CLN8: variants seen among roughly 807,000 people sequenced by gnomAD.
CLN8 encodes the protein protein CLN8.
CLN8 carries 14 observed loss-of-function variants against 15.7 expected under a neutral mutation model. The observed-to-expected ratio is 0.89, with a 90% confidence interval of 0.59 to 1.39. The LOEUF is 1.39. CLN8 is among the 40% of genes most tolerant of loss of function. The pLI is 0.00. For missense variants in CLN8, 415 were observed against 364.0 expected (o/e 1.14, Z -1.14); for synonymous variants, 188 against 151.0 (o/e 1.25, Z -1.80).
chr8:1,785,272 G>A lies in CLN8; in HGVS notation c.*4705G>A, dbSNP rs564215205. ...TCCTACGGTGACACAGGCGGCGTGG[G>A]GTTAGACAGGTACCGGTCAGACTAC... is the stretch of plus-strand genomic sequence containing the variant. On this transcript the variant is annotated 3_prime_UTR_variant, in exon 3 of 3. Transcript: ENST00000331222. 1 of 188,254 alleles carries A rather than the reference G, an allele frequency of 5.3e-6. No homozygotes were observed. The highest frequency in any genetic ancestry group is 7.4e-5 in the South Asian group (1 of 13,538). The allele number at this position is 188,254 out of a possible 1,614,324, so 11.7% of individuals were successfully genotyped here. A position where few individuals can be genotyped will look rare whatever the true frequency, so the allele number is the denominator to read the frequency against.
In CLN8 at chr8:1,771,070, G is replaced by A. The variant is rs200999640; in HGVS notation, c.16G>A (p.Asp6Asn). The A allele has an allele frequency of 7.4e-6, 12 of 1,614,066 alleles. No homozygotes were observed. Among genetic ancestry groups the A allele is most frequent in the African/African-American group, 2.7e-5 (2 of 75,030 alleles). ...GCTGTGGACAATGAATCCTGCGAGC[G>A]ATGGGGGCACATCAGAGAGCATTTT... MNPAS[D>N]GGTSESIFDL... The change falls in exon 2 of 3, where the codon GAT becomes AAT. Residue 6 changes from aspartate (D) to asparagine (N), a missense_variant. Transcript: ENST00000331222.
chr8:1,778,084 C>T (rs937254488), intron 2 of CLN8, among the ~76,000 whole-genome samples: 7 of 152,126 alleles, frequency 4.6e-5, no homozygotes, highest in African/African-American at 1.7e-4. Flanking sequence ...GGTGTGAGAT[C>T]GAAAACTTGC....
At position 1,771,512 on chromosome 8, in the gene CLN8, T is replaced by A. The variant is rs781115705; in HGVS notation, c.458T>A (p.Leu153His). The A allele has an allele frequency of 6.2e-7, 1 of 1,614,144 alleles. No homozygotes were observed. The highest frequency in any genetic ancestry group is 1.1e-5 in the South Asian group (1 of 91,088). Reference sequence around the variant, plus strand: ...GGGTTTCTTGGCTGCTTGGTCAATCTCCAAGCTGGCCACTATCTAGCTATG... The same window carrying A: ...GGGTTTCTTGGCTGCTTGGTCAATCACCAAGCTGGCCACTATCTAGCTATG... The part of the protein sequence containing the change: ...FLGFLGCLVN[L>H]QAGHYLAMTT... The change falls in exon 2 of 3, where the codon CTC (leucine) becomes CAC (histidine). Residue 153 changes from leucine to histidine, a missense_variant. By Grantham distance (99) the Leu-to-His change is moderately conservative. Transcript: ENST00000331222.
chr8:1,765,399 C>T (rs541740887), intron 1 of CLN8, among the ~76,000 whole-genome samples: 64 of 152,252 alleles, frequency 4.2e-4, no homozygotes, highest in Non-Finnish European at 7.2e-4. Context: ...AGTGATGGTG[C>T]TTGGAGCTGT....
At position 1,771,602 on chromosome 8, in the gene CLN8, G is replaced by C; in HGVS notation, c.543+5G>C. On this transcript the variant is annotated splice_donor_5th_base_variant and intron_variant, in intron 2 of 2. Transcript: ENST00000331222. ...GTTTCCTGGATGCTCTTAAAGGTAA[G>C]TGCATGCATCAGCAGAAGATGACAT... 1 of 1,613,064 alleles carries C rather than the reference G, an allele frequency of 6.2e-7. No homozygotes were observed. Among genetic ancestry groups the C allele is most frequent in the African/African-American group, 1.3e-5 (1 of 75,034 alleles).
chr8:1,761,607 G>T (rs1194256620), upstream of CLN8, among the ~76,000 whole-genome samples: 1 of 152,230 alleles, frequency 6.6e-6, no homozygotes, highest in Non-Finnish European at 1.5e-5. Flanking sequence ...TTACAGGTGT[G>T]AGCCACCGTG....
intron 2 of CLN8, chr8:1,779,884 G>C: frequency 1.1e-6 from 1 of 934,706 alleles, no homozygotes; most frequent in Non-Finnish European, 1.3e-6. Flanking sequence ...GTCTGGTTTT[G>C]CCAAATAAGT....
At chr8:1,758,760 T>C (rs1172186749), upstream of CLN8, 1 of 152,168 alleles carries the variant, frequency 6.6e-6, no homozygotes, top group Non-Finnish European at 1.5e-5. Context: ...AGTTAAGTTA[T>C]TATTGTAGAG....
chr8:1,753,712 C>T (rs1206072467), upstream of CLN8, among the ~76,000 whole-genome samples: 5 of 151,334 alleles, frequency 3.3e-5, no homozygotes, highest in Non-Finnish European at 5.9e-5. Flanking sequence ...GGTGAAACCC[C>T]GTCTCTACTA....
rs759402041 is a variant in CLN8, at chr8:1,780,604, G to A, written c.*37G>A. 2.5e-6 allele frequency: 4 copies of A among 1,601,376 alleles called. No homozygotes were observed. The highest frequency in any genetic ancestry group is 2.6e-6 in the Non-Finnish European group (3 of 1,170,412). ...GGGGCTCCGGGGCGGCAGCAGAGCT[G>A]GCACACCGATTCTGGGAAGCCCCGC... On this transcript the variant is annotated 3_prime_UTR_variant, in exon 3 of 3. Coordinates refer to ENST00000331222, the MANE Select transcript of CLN8 (RefSeq NM_018941.4).
chr8:1,758,241 T>C (rs569243798), intron 1 of CLN8: 1 of 152,346 alleles, frequency 6.6e-6, no homozygotes, highest in Non-Finnish European at 1.5e-5. Context: ...TTTCTCTTTA[T>C]TTCTAAGGTT....
chr8:1,781,475 C>T lies in CLN8; in HGVS notation c.*908C>T, dbSNP rs576653442. ...GTAGTGACTCCTGTAGCAGCAGAGA[C>T]GCCTTGGAGTTTAACCCCCACCAAC... On this transcript the variant is annotated 3_prime_UTR_variant, in exon 3 of 3. Coordinates refer to ENST00000331222, the MANE Select transcript of CLN8 (RefSeq NM_018941.4). 6.6e-6 allele frequency: 1 copy of T among 151,004 alleles called. No homozygotes were observed. Among genetic ancestry groups the T allele is most frequent in the Admixed American group, 6.6e-5 (1 of 15,178 alleles). 9.4% of individuals were successfully genotyped at this position (151,004 alleles called of 1,614,324 possible).
At position 1,771,359 on chromosome 8, in the gene CLN8, G is replaced by T. The variant is rs796052365; in HGVS notation, c.305G>T (p.Trp102Leu). ...GACAAGGCGCGTGGCCAGCAGAACT[G>T]GTGCTGGTTTCACATCACGACAGCA... Reference protein sequence around the residue: ...HADKARGQQNWCWFHITTATG... With the variant: ...HADKARGQQNLCWFHITTATG... Residue 102 changes from tryptophan (W) to leucine (L), a missense_variant, in exon 2 of 3, where the codon TGG becomes TTG. Physicochemically the swap from Trp to Leu is moderately conservative, Grantham distance 61. Coordinates refer to ENST00000331222, the MANE Select transcript of CLN8 (RefSeq NM_018941.4). 3 of 1,614,164 alleles carry T rather than the reference G, an allele frequency of 1.9e-6. No homozygotes were observed. The Admixed American group carries it at 5.0e-5, about 27-fold the overall frequency.
chr8:1,760,886 A>G (rs1001044384), upstream of CLN8, among the ~76,000 whole-genome samples: 1 of 152,220 alleles, frequency 6.6e-6, no homozygotes, highest in African/African-American at 2.4e-5. Flanking sequence ...GTATCAATGT[A>G]AAAGCCAAGC....
upstream of CLN8, among the ~76,000 whole-genome samples, chr8:1,760,839 G>T (rs1800776452): frequency 6.6e-6 from 1 of 152,108 alleles, no homozygotes; most frequent in African/African-American, 2.4e-5. Flanking sequence ...CGGAAAGCAG[G>T]AAGAAGAATG....
chr8:1,755,500 G>C (rs1035450953), upstream of CLN8, among the ~76,000 whole-genome samples: 3 of 152,038 alleles, frequency 2.0e-5, no homozygotes, highest in African/African-American at 7.3e-5. Flanking sequence ...GCCTCCCCCC[G>C]TTCTACCCCT....
At chr8:1,753,841 G>A (rs752259266), upstream of CLN8, among the ~76,000 whole-genome samples, 18 of 146,108 alleles carry the variant, frequency 1.2e-4, no homozygotes, top group Admixed American at 2.0e-4. Flanking sequence ...AGCTGAGATC[G>A]CGCCATTGCA....
chr8:1,778,337 T>A (rs759319641), intron 2 of CLN8, among the ~76,000 whole-genome samples: 4 of 152,236 alleles, frequency 2.6e-5, no homozygotes, highest in Admixed American at 6.5e-5. Context: ...AGAAATAAGT[T>A]ATAGTATTAA....
intron 2 of CLN8, among the ~76,000 whole-genome samples, chr8:1,775,693 T>G (rs1447030735): frequency 6.6e-6 from 1 of 152,228 alleles, no homozygotes; most frequent in East Asian, 1.9e-4. Context: ...CGCGAGAGTC[T>G]GGGGCTGAGT....
Sources: allele counts gnomAD v4.1 joint callset (sites outside exome capture counted in the v4.1 genomes callset), GRCh38; gene constraint gnomAD v4.1.1; transcripts MANE v1.5; gene names NCBI Gene and HGNC (gene_info 2026-07-23, HGNC 2026-07-21).